The following DLG1 variants were observed in gnomAD, a reference collection of about 807,000 sequenced individuals.
The protein encoded by DLG1 is disks large homolog 1.
A neutral mutation model predicts 123.4 loss-of-function variants in DLG1; 42 were observed. The observed-to-expected ratio is 0.34, with a 90% CI of 0.27 to 0.44. The LOEUF is 0.44. Among genes scored for constraint, DLG1 ranks in the 20% least tolerant of loss-of-function variants. DLG1 has a pLI of 1.00. For missense variants in DLG1, 942 were observed against 1,082.6 expected (o/e 0.87, Z 1.82); for synonymous variants, 317 against 356.2 (o/e 0.89, Z 1.24).
Position 197,044,602 on chromosome 3 carries a change from G to T in DLG1, c.*21C>A, listed in dbSNP as rs1721658996. On this transcript the variant is annotated 3_prime_UTR_variant, in exon 25 of 25. Transcript: ENST00000667157. ...AAAGAAAATGGAATTGTGGAAAAGA[G>T]AAACAGAGAAACATGAGTTTTCATA... The T allele has an allele frequency of 6.5e-6, 10 of 1,532,474 alleles. No individual in the cohort carries two copies. Among genetic ancestry groups the T allele is most frequent in the Non-Finnish European group, 9.0e-6 (10 of 1,110,962 alleles). The allele number at this position is 1,532,474 out of a possible 1,614,324, so 94.9% of individuals were successfully genotyped here.
chr3:197,213,523 T>G (rs1732381103), intron 4 of DLG1, among the ~76,000 whole-genome samples: 1 of 152,172 alleles, frequency 6.6e-6, no homozygotes, highest in Admixed American at 6.5e-5. Context: ...AATCAAACTG[T>G]ACGCTTTACA....
At chr3:197,156,936 T>C (rs977866576) in intron 5 of DLG1, among the ~76,000 whole-genome samples, 1 of 152,092 alleles carries the variant, frequency 6.6e-6, no homozygotes, top group Admixed American at 6.5e-5. Flanking sequence ...ACAAACACAA[T>C]ATACCAAAGA....
Position 197,130,663 on chromosome 3 carries a change from G to A in DLG1, c.1029C>T (p.Asn343=), listed in dbSNP as rs139369579. ...QIGDKLLAVN[N]VCLEEVTHEE... ...CATGAGTAACTTCTTCTAAACATAC[G>A]TTATTCACCTAAAAAAAGTCCCAAA... Residue 343 remains asparagine (N), a synonymous_variant, in exon 11 of 25, where the codon AAC becomes AAT. Coordinates refer to ENST00000667157, the MANE Select transcript of DLG1 (RefSeq NM_001366207.1). 9.4e-6 allele frequency: 15 copies of A among 1,591,762 alleles called. No homozygotes were observed. The highest frequency in any genetic ancestry group is 3.4e-5 in the South Asian group (3 of 87,868).
chr3:197,293,654 A>G (rs1776000624), intron 3 of DLG1, among the ~76,000 whole-genome samples: 1 of 152,060 alleles, frequency 6.6e-6, no homozygotes, highest in Admixed American at 6.5e-5. Context: ...ATGCATGAAA[A>G]GTCAATATAA....
intron 5 of DLG1, chr3:197,183,986 C>T (rs183817203): frequency 1.2e-5 from 17 of 1,416,414 alleles, no homozygotes; most frequent in Admixed American, 6.0e-5. Context: ...TGAAAGAGCT[C>T]GTATCTTCCC....
chr3:197,138,798 A>T (rs1329317120), intron 8 of DLG1, among the ~76,000 whole-genome samples: 1 of 152,148 alleles, frequency 6.6e-6, no homozygotes, highest in Non-Finnish European at 1.5e-5. Context: ...AGCTTAATAT[A>T]TATTTTAATC....
chr3:197,296,850 A>C, intron 2 of DLG1: 1 of 272,764 alleles, frequency 3.7e-6, no homozygotes, highest in South Asian at 5.7e-5. Flanking sequence ...ACATTTCAAA[A>C]TACAAATTCT....
At chr3:197,114,732 C>T (rs531197001) in intron 13 of DLG1, among the ~76,000 whole-genome samples, 42 of 152,104 alleles carry the variant, frequency 2.8e-4, no homozygotes, top group Admixed American at 1.0e-3. Flanking sequence ...CCTGTAGTCC[C>T]GGCACTTTGG....
At chr3:197,109,881 T>A (rs1163623561) in intron 13 of DLG1, among the ~76,000 whole-genome samples, 2 of 152,228 alleles carry the variant, frequency 1.3e-5, no homozygotes, top group Non-Finnish European at 2.9e-5. Flanking sequence ...TTGTTGAGGA[T>A]CCCTTGCACG....
At chr3:197,140,806 C>T (rs1311028040) in intron 7 of DLG1, among the ~76,000 whole-genome samples, 1 of 152,108 alleles carries the variant, frequency 6.6e-6, no homozygotes, top group Non-Finnish European at 1.5e-5. Flanking sequence ...GCCATCAGTC[C>T]CTGACATGTT....
At chr3:197,166,526 A>G (rs1380394655) in intron 5 of DLG1, among the ~76,000 whole-genome samples, 3 of 152,196 alleles carry the variant, frequency 2.0e-5, no homozygotes, top group Non-Finnish European at 4.4e-5. Context: ...GGATGCAGCT[A>G]ACAGCTCAAC....
At chr3:197,162,849 A>G (rs1043082189) in intron 5 of DLG1, among the ~76,000 whole-genome samples, 2 of 152,242 alleles carry the variant, frequency 1.3e-5, no homozygotes, top group African/African-American at 4.8e-5. Flanking sequence ...AAAAAAATCA[A>G]TTAGACTCTA....
At chr3:197,131,584 C>CTTTTTTTT (rs773487577) in intron 10 of DLG1, among the ~76,000 whole-genome samples, 8 of 65,768 alleles carry the variant, frequency 1.2e-4, no homozygotes, top group East Asian at 4.8e-4. Flanking sequence ...TTCTTCCTTT[C>CTTTTTTTT]TTTTTTTTTT....
chr3:197,276,565 T>C (rs564389655), intron 4 of DLG1, among the ~76,000 whole-genome samples: 2 of 152,366 alleles, frequency 1.3e-5, no homozygotes, highest in African/African-American at 4.8e-5. Context: ...CAAACTACAA[T>C]ACTCACACTG....
intron 4 of DLG1, among the ~76,000 whole-genome samples, chr3:197,250,300 C>T (rs974351379): frequency 5.3e-5 from 8 of 152,100 alleles, no homozygotes; most frequent in Non-Finnish European, 7.4e-5. Flanking sequence ...CCGGGCACGG[C>T]GGCTCATGCC....
At chr3:197,054,129 T>C (rs987180778) in intron 23 of DLG1, among the ~76,000 whole-genome samples, 6 of 152,062 alleles carry the variant, frequency 3.9e-5, no homozygotes, top group Non-Finnish European at 7.4e-5. Context: ...TGACTGATAA[T>C]CTTATTGGGA....
At chr3:197,046,267 G>A (rs1253033945) in intron 24 of DLG1, among the ~76,000 whole-genome samples, 1 of 152,102 alleles carries the variant, frequency 6.6e-6, no homozygotes, top group Non-Finnish European at 1.5e-5. Context: ...CAGCACGCAA[G>A]GATTTATTTT....
intron 19 of DLG1, among the ~76,000 whole-genome samples, chr3:197,068,048 T>A (rs991603923): frequency 1.3e-5 from 2 of 152,380 alleles, no homozygotes; most frequent in South Asian, 4.1e-4. Context: ...TGGTTTATAT[T>A]ATATGTATGT....
intron 5 of DLG1, among the ~76,000 whole-genome samples, chr3:197,150,823 C>CA: frequency 6.6e-6 from 1 of 152,016 alleles, no homozygotes; most frequent in African/African-American, 2.4e-5. Flanking sequence ...AATGATATGA[C>CA]AAAATGCTTA....
Sources: gnomAD v4.1 joint callset for allele counts (sites outside exome capture counted in the v4.1 genomes callset) on GRCh38, gnomAD v4.1.1 for gene constraint, MANE v1.5 for transcripts, NCBI Gene and HGNC (gene_info 2026-07-23, HGNC 2026-07-21) for gene names.